FHIT: variants seen among roughly 807,000 people sequenced by gnomAD.
The protein encoded by FHIT is bis(5'-adenosyl)-triphosphatase.
A neutral mutation model predicts 17.9 loss-of-function variants in FHIT; 19 were observed. That is an observed-to-expected ratio of 1.06 (90% confidence interval 0.74 to 1.56). The LOEUF (loss-of-function observed/expected upper bound fraction) is 1.56. FHIT is among the 40% of genes most tolerant of loss of function. The pLI, the probability that FHIT is intolerant of heterozygous loss-of-function variation, is 0.00. For missense variants in FHIT, 248 were observed against 189.2 expected (o/e 1.31, Z -1.82); for synonymous variants, 81 against 69.7 (o/e 1.16, Z -0.81).
intron 4 of FHIT, among the ~76,000 whole-genome samples, chr3:60,775,562 C>T (rs1553724259): frequency 1.3e-5 from 2 of 152,122 alleles, no homozygotes; most frequent in Admixed American, 1.3e-4. Context: ...CCTAAATTTT[C>T]GTGGCTGTGG....
chr3:61,121,750 T>A (rs971306050), intron 2 of FHIT, among the ~76,000 whole-genome samples: 2 of 152,268 alleles, frequency 1.3e-5, no homozygotes, highest in Middle Eastern at 3.4e-3. Flanking sequence ...AATATTAAAC[T>A]TAACTGTAAA....
At chr3:60,261,731 CAGCAGA>C (rs765572336) in intron 5 of FHIT, among the ~76,000 whole-genome samples, 80 of 152,086 alleles carry the variant, frequency 5.3e-4, no homozygotes, top group Non-Finnish European at 8.7e-4. Flanking sequence ...CTGGAGGAAA[CAGCAGA>C]AGCAAGAAGG....
At chr3:59,768,888 G>A (rs1701934711) in intron 8 of FHIT, among the ~76,000 whole-genome samples, 1 of 151,780 alleles carries the variant, frequency 6.6e-6, no homozygotes, top group African/African-American at 2.4e-5. Context: ...TGTGGCCTTC[G>A]CCAATCTTAA....
intron 5 of FHIT, among the ~76,000 whole-genome samples, chr3:60,461,146 T>C (rs926299964): frequency 1.3e-5 from 2 of 152,204 alleles, no homozygotes; most frequent in Admixed American, 1.3e-4. Flanking sequence ...AAAATCTTTA[T>C]TTAATCTAAT....
chr3:61,203,860 G>A (rs534310142), intron 1 of FHIT, among the ~76,000 whole-genome samples: 5 of 152,268 alleles, frequency 3.3e-5, no homozygotes, highest in African/African-American at 1.2e-4. Context: ...AAGCAAAGAG[G>A]CCCTTACACA....
At chr3:60,433,820 T>G (rs1009375714) in intron 5 of FHIT, among the ~76,000 whole-genome samples, 6 of 152,152 alleles carry the variant, frequency 3.9e-5, no homozygotes, top group Non-Finnish European at 5.9e-5. Flanking sequence ...ATTTTGCATA[T>G]TAGATGCATC....
At chr3:59,815,675 G>C (rs1219207478) in intron 8 of FHIT, among the ~76,000 whole-genome samples, 2 of 152,094 alleles carry the variant, frequency 1.3e-5, no homozygotes, top group African/African-American at 4.8e-5. Context: ...TTATAAGTGG[G>C]AGCTAAGCTA....
At chr3:61,064,050 G>C (rs958709772) in intron 2 of FHIT, among the ~76,000 whole-genome samples, 3 of 152,104 alleles carry the variant, frequency 2.0e-5, no homozygotes, top group African/African-American at 7.2e-5. Flanking sequence ...AGGGAAGATA[G>C]GCCTTACTCT....
intron 5 of FHIT, among the ~76,000 whole-genome samples, chr3:60,360,337 G>C (rs935773602): frequency 1.3e-5 from 2 of 151,998 alleles, no homozygotes; most frequent in African/African-American, 4.8e-5. Flanking sequence ...GCAACTTAAG[G>C]AGGTTCAAGG....
At chr3:60,074,609 T>A (rs1249829352) in intron 5 of FHIT, among the ~76,000 whole-genome samples, 1 of 151,790 alleles carries the variant, frequency 6.6e-6, no homozygotes, top group African/African-American at 2.4e-5. Context: ...AGACACATTA[T>A]CACTGAGGTC....
chr3:59,769,196 T>G (rs1701951249), intron 8 of FHIT, among the ~76,000 whole-genome samples: 1 of 152,024 alleles, frequency 6.6e-6, no homozygotes, highest in African/African-American at 2.4e-5. Context: ...AGCTGACCTC[T>G]GGCTGTCTCA....
chr3:59,978,148 G>A (rs1207605462), intron 7 of FHIT, among the ~76,000 whole-genome samples: 1 of 152,026 alleles, frequency 6.6e-6, no homozygotes, highest in Non-Finnish European at 1.5e-5. Context: ...AATACTTGAG[G>A]AAACTGAGGC....
At chr3:60,993,924 AGCCACGT>A (rs1210141940) in intron 3 of FHIT, among the ~76,000 whole-genome samples, 4 of 152,208 alleles carry the variant, frequency 2.6e-5, no homozygotes, top group Admixed American at 1.3e-4. Context: ...AGTAGCCATG[AGCCACGT>A]GCCTATTGAG....
At chr3:60,437,083 C>T (rs960218905) in intron 5 of FHIT, among the ~76,000 whole-genome samples, 1 of 152,090 alleles carries the variant, frequency 6.6e-6, no homozygotes, top group Non-Finnish European at 1.5e-5. Context: ...ACAGGAGAGG[C>T]CAACTAAAAC....
chr3:60,755,285 G>C (rs1307861712), intron 4 of FHIT, among the ~76,000 whole-genome samples: 1 of 152,192 alleles, frequency 6.6e-6, no homozygotes, highest in African/African-American at 2.4e-5. Flanking sequence ...ATGAGGACAT[G>C]ACAACAGAAG....
chr3:59,955,171 T>C (rs921063140), intron 7 of FHIT, among the ~76,000 whole-genome samples: 4 of 152,202 alleles, frequency 2.6e-5, no homozygotes, highest in African/African-American at 9.6e-5. Flanking sequence ...AAACAGCTCT[T>C]AACAAGGTCA....
chr3:60,222,880 G>C (rs373818632), intron 5 of FHIT, among the ~76,000 whole-genome samples: 1 of 152,038 alleles, frequency 6.6e-6, no homozygotes, highest in East Asian at 1.9e-4. Context: ...CAGCCTGGGT[G>C]AAAGAGCGAG....
intron 3 of FHIT, among the ~76,000 whole-genome samples, chr3:61,032,244 G>A (rs1427837604): frequency 1.3e-5 from 2 of 151,802 alleles, no homozygotes; most frequent in Non-Finnish European, 2.9e-5. Flanking sequence ...GAAACTTAAA[G>A]TTTCAGTTTT....
At chr3:59,824,249 G>A (rs528473288) in intron 8 of FHIT, among the ~76,000 whole-genome samples, 1 of 152,252 alleles carries the variant, frequency 6.6e-6, no homozygotes, top group Admixed American at 6.6e-5. Flanking sequence ...GAAGGACGGA[G>A]GGAGGTAGAG....
Sources: gnomAD v4.1 joint callset for allele counts (sites outside exome capture counted in the v4.1 genomes callset) on GRCh38, gnomAD v4.1.1 for gene constraint, MANE v1.5 for transcripts, NCBI Gene and HGNC (gene_info 2026-07-23, HGNC 2026-07-21) for gene names.